Variants in LRRC17 observed in about 807,000 individuals in gnomAD.
LRRC17 encodes the protein leucine-rich repeat-containing protein 17.
Under a neutral mutation model 41.5 loss-of-function variants are expected in LRRC17, and 33 were observed. That is an observed-to-expected ratio of 0.80 (90% CI 0.60 to 1.06). The LOEUF (loss-of-function observed/expected upper bound fraction) is 1.06, where lower values mean the gene tolerates loss of function less well. LRRC17 is among the 50% of genes least tolerant of loss of function. LRRC17 has a pLI of 0.00. For missense variants in LRRC17, 491 were observed against 519.3 expected, an observed-to-expected ratio of 0.95 and a Z score of 0.53; for synonymous variants, 192 against 197.0, an observed-to-expected ratio of 0.97 and a Z score of 0.21.
intron 1 of LRRC17, among the ~76,000 whole-genome samples, chr7:102,916,579 G>A (rs559401217): frequency 6.6e-6 from 1 of 152,302 alleles, no homozygotes; most frequent in South Asian, 2.1e-4. Context: ...CGGGAAAAGT[G>A]TCAGTTGACA....
At position 102,944,623 on chromosome 7, in the gene LRRC17, G is replaced by C; in HGVS notation, c.*16G>C. ...AGTAGGATAAGGTAGAAATTGTTCT[G>C]ATTGTAATTAGTTTTGTATTTTCTA... On this transcript the variant is annotated 3_prime_UTR_variant, in exon 4 of 4. Transcript: ENST00000339431. 1.1e-5 allele frequency: 17 copies of C among 1,564,954 alleles called. No homozygotes were observed. The highest frequency in any genetic ancestry group is 1.5e-5 in the Non-Finnish European group (17 of 1,161,128).
intron 1 of LRRC17, among the ~76,000 whole-genome samples, chr7:102,922,307 T>C (rs529915252): frequency 6.6e-6 from 1 of 152,210 alleles, no homozygotes; most frequent in East Asian, 1.9e-4. Context: ...TATACAAACT[T>C]TTCCCAAATT....
At chr7:102,926,252 A>C (rs760772797) in intron 1 of LRRC17, 50 of 1,604,656 alleles carry the variant, frequency 3.1e-5, no homozygotes, top group Non-Finnish European at 4.0e-5. Context: ...TTTCAGTGTC[A>C]TACAAATAAC....
At chr7:102,932,244 G>T (rs1187188830) in intron 1 of LRRC17, among the ~76,000 whole-genome samples, 1 of 151,992 alleles carries the variant, frequency 6.6e-6, no homozygotes, top group Non-Finnish European at 1.5e-5. Context: ...AACCAACCTG[G>T]TTTTTTGTGC....
chr7:102,914,588 T>G (rs915932619), intron 1 of LRRC17, among the ~76,000 whole-genome samples: 3 of 152,246 alleles, frequency 2.0e-5, no homozygotes, highest in African/African-American at 7.2e-5. Flanking sequence ...ATACAAGCAC[T>G]GACCATTAAT....
intron 1 of LRRC17, 70 bp from the exon 2 acceptor site, chr7:102,933,704 T>C (rs1585013433): frequency 2.3e-6 from 1 of 429,650 alleles, no homozygotes; most frequent in South Asian, 4.3e-5. Context: ...AAAAAGTCTG[T>C]TCTTATCTGT....
Position 102,933,851 on chromosome 7 carries a change from CA to C in LRRC17, c.-60del. 1 of 1,466,632 alleles carries C rather than the reference CA, an allele frequency of 6.8e-7. No individual in the cohort carries two copies. The highest frequency in any genetic ancestry group is 9.1e-7 in the Non-Finnish European group (1 of 1,099,796). The allele number at this position is 1,466,632 out of a possible 1,614,324, so 90.9% of individuals were successfully genotyped here. ...GTTAAGATTACCCAGACTTGGATTT[CA>C]AAGGAATACTTTCATTGTTCCGTCT... is the stretch of plus-strand genomic sequence containing the variant. On this transcript the variant is annotated 5_prime_UTR_variant, in exon 2 of 4. An upstream open reading frame in the 5' UTR loses its in-frame stop. Coordinates refer to ENST00000339431, the MANE Select transcript of LRRC17 (RefSeq NM_001031692.3).
chr7:102,929,949 C>A (rs1818872062), intron 1 of LRRC17, among the ~76,000 whole-genome samples: 1 of 150,146 alleles, frequency 6.7e-6, no homozygotes, highest in African/African-American at 2.5e-5. Context: ...GGTCAATAAA[C>A]AAAGAGAATG....
In LRRC17 at chr7:102,933,799, G is replaced by A; in HGVS notation, c.-115G>A. The A allele has an allele frequency of 1.8e-6, 2 of 1,119,096 alleles. No homozygotes were observed. The highest frequency in any genetic ancestry group is 5.8e-5 in the Admixed American group (2 of 34,408). 69.3% of individuals were successfully genotyped at this position (1,119,096 alleles called of 1,614,324 possible). A position where few individuals can be genotyped will look rare whatever the true frequency, so the allele number is the denominator to read the frequency against. On this transcript the variant is annotated 5_prime_UTR_variant, in exon 2 of 4. Coordinates refer to ENST00000339431, the MANE Select transcript of LRRC17 (RefSeq NM_001031692.3). ...CCTAGGGACTCCACGTACCCCAGCT[G>A]GGTCTCATTGTTCCAGAACTGCATT...
At chr7:102,931,808 T>C (rs1819227520) in intron 1 of LRRC17, 1 of 1,384,154 alleles carries the variant, frequency 7.2e-7, no homozygotes, top group Non-Finnish European at 1.0e-6. Context: ...CAAGCATCTA[T>C]TCTGCATATT....
intron 1 of LRRC17, among the ~76,000 whole-genome samples, chr7:102,922,698 C>T (rs1032891172): frequency 1.3e-5 from 2 of 152,054 alleles, no homozygotes; most frequent in Non-Finnish European, 2.9e-5. Flanking sequence ...GATGACTGGG[C>T]GTGGTGGCTC....
chr7:102,932,797 C>T (rs1307762737), intron 1 of LRRC17, among the ~76,000 whole-genome samples: 5 of 151,934 alleles, frequency 3.3e-5, no homozygotes, highest in African/African-American at 2.4e-5. Flanking sequence ...TTTGTAGAGA[C>T]GGGGTTTCCC....
At chr7:102,940,131 T>A (rs1222075792) in intron 3 of LRRC17, among the ~76,000 whole-genome samples, 1 of 151,604 alleles carries the variant, frequency 6.6e-6, no homozygotes, top group Non-Finnish European at 1.5e-5. Flanking sequence ...TGACCTCAGG[T>A]GATCCGCCCA....
chr7:102,940,279 G>A (rs997030401), intron 3 of LRRC17, among the ~76,000 whole-genome samples: 34 of 149,550 alleles, frequency 2.3e-4, no homozygotes, highest in East Asian at 2.0e-4. Flanking sequence ...GTGCAATCTC[G>A]GCTCACTGCA....
At chr7:102,926,293 T>C (rs1355931055) in intron 1 of LRRC17, 1 of 1,613,670 alleles carries the variant, frequency 6.2e-7, no homozygotes, top group Non-Finnish European at 8.5e-7. Flanking sequence ...AGTCGCATCG[T>C]CCTGTTGGTG....
chr7:102,943,738 A>C (rs1419484156), intron 3 of LRRC17, among the ~76,000 whole-genome samples: 2 of 152,218 alleles, frequency 1.3e-5, no homozygotes, highest in African/African-American at 4.8e-5. Context: ...CGAATCCTTA[A>C]GGAAGAAGAT....
In LRRC17 at chr7:102,934,335, T is replaced by TA. The variant is rs1182209287; in HGVS notation, c.422_423insA (p.Lys142GlnfsTer21). On this transcript the variant is annotated frameshift_variant, in exon 2 of 4. Coordinates refer to ENST00000339431, the MANE Select transcript of LRRC17 (RefSeq NM_001031692.3). LOFTEE classifies it high-confidence loss of function. ...ACCCTCTTACTGCAGCACAACCAGATCAAAGTCTTGACGGAGGAAGTGTTC... is the reference window on the plus strand; with the variant it reads ...ACCCTCTTACTGCAGCACAACCAGATACAAAGTCTTGACGGAGGAAGTGTTC... 6.2e-7 allele frequency: 1 copy of TA among 1,614,126 alleles called. No homozygotes were observed. The highest frequency in any genetic ancestry group is 8.5e-7 in the Non-Finnish European group (1 of 1,180,000).
At position 102,944,683 on chromosome 7, in the gene LRRC17, T is replaced by C. The variant is rs2129476093; in HGVS notation, c.*76T>C. The C allele has an allele frequency of 7.5e-7, 1 of 1,324,816 alleles. No individual in the cohort carries two copies. The highest frequency in any genetic ancestry group is 2.3e-4 in the Middle Eastern group (1 of 4,274). The allele number at this position is 1,324,816 out of a possible 1,614,324, so 82.1% of individuals were successfully genotyped here. ...TAGAAAACATATGTTTACATTTGAT[T>C]AACTGTGTTGCCTATTTATGCAGGG... is the stretch of plus-strand genomic sequence containing the variant. On this transcript the variant is annotated 3_prime_UTR_variant, in exon 4 of 4. Coordinates refer to ENST00000339431, the MANE Select transcript of LRRC17 (RefSeq NM_001031692.3).
rs2129473742 is a variant in LRRC17, at chr7:102,934,452, T to C, written c.539T>C (p.Ile180Thr). The C allele has an allele frequency of 6.2e-7, 1 of 1,614,178 alleles. No individual in the cohort carries two copies. Among genetic ancestry groups the C allele is most frequent in the Non-Finnish European group, 8.5e-7 (1 of 1,180,032 alleles). The part of the protein sequence containing the change: ...EIETLISMLQ[I>T]PRNRNLGNYA... ...GAAACGCTTATTTCAATGTTGCAGA[T>C]TCCCAGGAACCGGAATTTGGGGAAC... The change falls in exon 2 of 4, where the codon ATT becomes ACT. Residue 180 changes from isoleucine (I) to threonine (T), a missense_variant. Coordinates refer to ENST00000339431, the MANE Select transcript of LRRC17 (RefSeq NM_001031692.3).
Sources: gnomAD v4.1 joint callset for allele counts (sites outside exome capture counted in the v4.1 genomes callset) on GRCh38, gnomAD v4.1.1 for gene constraint, MANE v1.5 for transcripts, NCBI Gene and HGNC (gene_info 2026-07-23, HGNC 2026-07-21) for gene names.